The following TSPAN18 variants were observed in gnomAD, a reference collection of about 807,000 sequenced individuals.
TSPAN18 encodes the protein tetraspanin-18.
TSPAN18 carries 14 observed loss-of-function variants against 27.3 expected under a neutral mutation model. That is an observed-to-expected ratio of 0.51 (90% CI 0.34 to 0.80). TSPAN18 has a LOEUF of 0.80. TSPAN18 is among the 30% of genes least tolerant of loss of function. The probability of loss-of-function intolerance (pLI) is 0.01; values close to 1 mark genes in which losing one functional copy is unlikely to be tolerated. For synonymous variants in TSPAN18, 143 were observed against 136.5 expected (o/e 1.05, Z -0.33); for missense variants, 268 against 323.9 (o/e 0.83, Z 1.32).
chr11:44,734,836 C>A (rs1854750862), intron 1 of TSPAN18, among the ~76,000 whole-genome samples: 1 of 152,182 alleles, frequency 6.6e-6, no homozygotes, highest in African/African-American at 2.4e-5. Flanking sequence ...GCAGCGTGCT[C>A]TAGTGGGCCA....
At chr11:44,801,493 G>A (rs1274345719) in intron 2 of TSPAN18, among the ~76,000 whole-genome samples, 2 of 152,170 alleles carry the variant, frequency 1.3e-5, no homozygotes, top group Non-Finnish European at 2.9e-5. Flanking sequence ...CATACCTGTG[G>A]AAGGAAATAA....
At chr11:44,903,678 T>C (rs1374348086) in intron 3 of TSPAN18, 1 of 455,878 alleles carries the variant, frequency 2.2e-6, no homozygotes, top group Admixed American at 2.3e-5. Context: ...GAGAGGATGA[T>C]GTCATCCGAT....
At chr11:44,843,935 C>T (rs900062227) in intron 2 of TSPAN18, among the ~76,000 whole-genome samples, 5 of 152,060 alleles carry the variant, frequency 3.3e-5, no homozygotes, top group African/African-American at 4.8e-5. Flanking sequence ...ATGTAGTTAA[C>T]GCAATTATTA....
intron 2 of TSPAN18, among the ~76,000 whole-genome samples, chr11:44,844,612 A>T (rs1389384052): frequency 6.6e-6 from 1 of 152,196 alleles, no homozygotes; most frequent in African/African-American, 2.4e-5. Flanking sequence ...CTATATGCTT[A>T]TCAGCTATTT....
intron 1 of TSPAN18, among the ~76,000 whole-genome samples, chr11:44,742,045 A>ATCTG (rs1854949491): frequency 6.6e-6 from 1 of 151,968 alleles, no homozygotes; most frequent in Admixed American, 6.6e-5. Context: ...TGGGATTTTT[A>ATCTG]TCTCCATTTT....
At chr11:44,747,167 G>C (rs1222427766) in intron 1 of TSPAN18, among the ~76,000 whole-genome samples, 2 of 152,226 alleles carry the variant, frequency 1.3e-5, no homozygotes, top group Non-Finnish European at 2.9e-5. Flanking sequence ...CATCTGCTTT[G>C]CCTTGTGGGG....
At chr11:44,866,683 TG>T (rs1358614614) in intron 3 of TSPAN18, among the ~76,000 whole-genome samples, 2 of 152,318 alleles carry the variant, frequency 1.3e-5, no homozygotes, top group Non-Finnish European at 1.5e-5. Context: ...CCTACCAATC[TG>T]GCTGATCTCC....
At chr11:44,747,415 G>C (rs1436826069) in intron 1 of TSPAN18, among the ~76,000 whole-genome samples, 1 of 152,218 alleles carries the variant, frequency 6.6e-6, no homozygotes, top group African/African-American at 2.4e-5. Flanking sequence ...AGGCTTATCT[G>C]GAAAATGGGC....
At chr11:44,761,614 T>C (rs1406008614) in intron 1 of TSPAN18, among the ~76,000 whole-genome samples, 1 of 151,936 alleles carries the variant, frequency 6.6e-6, no homozygotes, top group African/African-American at 2.4e-5. Context: ...GCGCAAAACC[T>C]GGAAAGTAAT....
At chr11:44,916,453 G>T (rs1002503857) in intron 5 of TSPAN18, among the ~76,000 whole-genome samples, 2 of 152,158 alleles carry the variant, frequency 1.3e-5, no homozygotes, top group African/African-American at 2.4e-5. Context: ...CCTGCTCGTG[G>T]CCCACATTCA....
intron 2 of TSPAN18, among the ~76,000 whole-genome samples, chr11:44,776,252 A>G (rs1163784590): frequency 6.6e-6 from 1 of 152,222 alleles, no homozygotes; most frequent in Non-Finnish European, 1.5e-5. Context: ...GTATAGATGT[A>G]GAAACTGAGG....
intron 2 of TSPAN18, among the ~76,000 whole-genome samples, chr11:44,814,304 CT>C (rs1454177256): frequency 9.9e-5 from 15 of 152,160 alleles, no homozygotes; most frequent in African/African-American, 3.4e-4. Context: ...ATATTTGCCC[CT>C]CTTCCCATCC....
At chr11:44,772,483 A>G (rs1456339571) in intron 2 of TSPAN18, among the ~76,000 whole-genome samples, 1 of 152,212 alleles carries the variant, frequency 6.6e-6, no homozygotes, top group Non-Finnish European at 1.5e-5. Flanking sequence ...AGATATTTTG[A>G]CAAAAGAGAA....
intron 3 of TSPAN18, among the ~76,000 whole-genome samples, chr11:44,875,792 G>A (rs112825854): frequency 3.9e-5 from 6 of 152,356 alleles, no homozygotes; most frequent in African/African-American, 1.4e-4. Context: ...AGTGTGCTTA[G>A]GAAGATGAGC....
chr11:44,807,787 C>T lies in TSPAN18; in HGVS notation c.-153+43275C>T, dbSNP rs1856633287. ...CCTAATGCCTTTGGACATCAGTTTC[C>T]TCATCTGTAAAGAAAACCTCTGTGG... is the stretch of plus-strand genomic sequence containing the variant. On this transcript the variant is annotated intron_variant, in intron 2 of 9. Transcript: ENST00000520358. Among the ~76,000 whole-genome samples the T allele has an allele frequency of 2.0e-5, 3 of 152,288 alleles. No individual in the cohort carries two copies. The South Asian group carries it at 6.2e-4, about 32-fold the overall frequency.
chr11:44,743,805 GA>G (rs1457554155), intron 1 of TSPAN18, among the ~76,000 whole-genome samples: 1 of 152,198 alleles, frequency 6.6e-6, no homozygotes, highest in Non-Finnish European at 1.5e-5. Flanking sequence ...GAGCTCCATA[GA>G]AGGAAAAGAC....
chr11:44,847,495 G>A (rs1299433340), intron 2 of TSPAN18, among the ~76,000 whole-genome samples: 1 of 152,234 alleles, frequency 6.6e-6, no homozygotes, highest in Admixed American at 6.5e-5. Context: ...TTTCATGGCT[G>A]AATACTATTC....
At chr11:44,796,602 G>A (rs1003540468) in intron 2 of TSPAN18, among the ~76,000 whole-genome samples, 4 of 152,128 alleles carry the variant, frequency 2.6e-5, no homozygotes, top group African/African-American at 9.7e-5. Flanking sequence ...TCAAAGTAGG[G>A]AGAATGTTGG....
At chr11:44,841,910 G>A (rs1857381530) in intron 2 of TSPAN18, among the ~76,000 whole-genome samples, 1 of 152,166 alleles carries the variant, frequency 6.6e-6, no homozygotes, top group Non-Finnish European at 1.5e-5. Context: ...AAACAGGAAG[G>A]GACATGCTAT....
Sources: allele counts gnomAD v4.1 joint callset (sites outside exome capture counted in the v4.1 genomes callset), GRCh38; gene constraint gnomAD v4.1.1; transcripts MANE v1.5; gene names NCBI Gene and HGNC (gene_info 2026-07-23, HGNC 2026-07-21).